ASIP: variants seen among roughly 807,000 people sequenced by gnomAD.
ASIP encodes agouti signaling protein, also known as agouti-signaling protein.
ASIP carries 11 observed loss-of-function variants against 10.3 expected under a neutral mutation model. That is an observed-to-expected ratio of 1.07 (90% CI 0.68 to 1.78). The LOEUF is 1.78. Ranked by LOEUF, ASIP falls within the 40% of genes most tolerant of loss-of-function variation. The pLI, the probability that ASIP is intolerant of heterozygous loss-of-function variation, is 0.00. For synonymous variants in ASIP, 70 were observed against 70.8 expected (o/e 0.99, Z 0.06); for missense variants, 180 against 169.2 (o/e 1.06, Z -0.35).
Position 34,269,088 on chromosome 20 carries a change from G to C in ASIP, c.320G>C (p.Cys107Ser). 6.3e-7 allele frequency: 1 copy of C among 1,577,918 alleles called. No individual in the cohort carries two copies. The highest frequency in any genetic ancestry group is 1.7e-4 in the Middle Eastern group (1 of 6,012). ...RNSCKPPAPACCDPCASCQCR... is the reference protein window; with the variant it reads ...RNSCKPPAPASCDPCASCQCR... ...AGCTGCAAGCCGCCGGCACCCGCCT[G>C]CTGCGACCCGTGCGCCTCCTGCCAG... is the stretch of plus-strand genomic sequence containing the variant. The change falls in exon 4 of 4, where the codon TGC becomes TCC. Residue 107 changes from cysteine (C) to serine (S), a missense_variant. Physicochemically the swap from Cys to Ser is moderately radical, Grantham distance 112. Coordinates refer to ENST00000374954, the MANE Select transcript of ASIP (RefSeq NM_001672.3).
upstream of ASIP, among the ~76,000 whole-genome samples, chr20:34,240,396 G>A (rs1390235363): frequency 6.6e-6 from 1 of 152,196 alleles, no homozygotes; most frequent in Non-Finnish European, 1.5e-5. Context: ...GAATGACCCA[G>A]TTTGTGTGAT....
intron 1 of ASIP, among the ~76,000 whole-genome samples, chr20:34,235,866 A>AAGG (rs1349467682): frequency 0.03 from 1,109 of 36,576 alleles, 109 homozygotes; most frequent in South Asian, 0.084. Context: ...GGAAGGAAGG[A>AAGG]AAGGAAGGAA....
At chr20:34,216,033 C>T in intron 1 of ASIP, 1 of 637,510 alleles carries the variant, frequency 1.6e-6, no homozygotes, top group Non-Finnish European at 2.9e-6. Context: ...CGGAGCCGAG[C>T]GGCGCAGCTC....
intron 1 of ASIP, among the ~76,000 whole-genome samples, chr20:34,208,081 G>A (rs1329335148): frequency 6.6e-6 from 1 of 152,066 alleles, no homozygotes; most frequent in African/African-American, 2.4e-5. Context: ...CCGGCCTCCA[G>A]CACCATTTAT....
At chr20:34,267,143 TAAGA>T (rs1601620785) in intron 3 of ASIP, among the ~76,000 whole-genome samples, 1 of 152,320 alleles carries the variant, frequency 6.6e-6, no homozygotes, top group East Asian at 1.9e-4. Context: ...TAGCAGTGAA[TAAGA>T]AAGATATATC....
At chr20:34,189,241 G>A in the ASIP span, among the ~76,000 whole-genome samples, 2 of 151,958 alleles carry the variant, frequency 1.3e-5, no homozygotes, top group Admixed American at 6.6e-5. Context: ...CTCCCCCTAA[G>A]GTTTGTTTTC....
chr20:34,223,495 G>C (rs1423443396), intron 1 of ASIP, among the ~76,000 whole-genome samples: 5 of 151,898 alleles, frequency 3.3e-5, no homozygotes, highest in African/African-American at 1.2e-4. Context: ...CGGGAGGGAG[G>C]TGGGGGGTCA....
At position 34,210,822 on chromosome 20, in the gene ASIP, A is replaced by G. The variant is rs2034969765; in HGVS notation, c.-11+16062A>G. Among the ~76,000 whole-genome samples, 7 of 152,244 alleles carry G rather than the reference A, an allele frequency of 4.6e-5. No homozygotes were observed. In the South Asian group the frequency reaches 1.5e-3, roughly 32 times the overall value. On this transcript the variant is annotated intron_variant, in intron 1 of 3. Transcript: ENST00000568305. ...ATTTAGCATGCTGTTAGCTGTGGGG[A>G]CCTTATTCATTTTATGATGAACCAC...
At chr20:34,222,585 A>T (rs1321427655) in intron 1 of ASIP, among the ~76,000 whole-genome samples, 4 of 152,094 alleles carry the variant, frequency 2.6e-5, no homozygotes, top group Non-Finnish European at 4.4e-5. Flanking sequence ...GGGACCCAGG[A>T]ATCTTTAACA....
chr20:34,266,622 G>A (rs902239926), intron 3 of ASIP, among the ~76,000 whole-genome samples: 3 of 151,934 alleles, frequency 2.0e-5, no homozygotes, highest in Non-Finnish European at 2.9e-5. Flanking sequence ...GCAGTGAGCC[G>A]AGATGGCACC....
chr20:34,234,464 T>G (rs768444649), intron 1 of ASIP, among the ~76,000 whole-genome samples: 7 of 152,110 alleles, frequency 4.6e-5, no homozygotes, highest in East Asian at 3.8e-4. Context: ...CTATCAGCTT[T>G]CTTTCTTTCT....
At chr20:34,257,558 G>A (rs2035595137) in intron 1 of ASIP, among the ~76,000 whole-genome samples, 1 of 152,044 alleles carries the variant, frequency 6.6e-6, no homozygotes, top group Non-Finnish European at 1.5e-5. Flanking sequence ...TTAATTTTAT[G>A]TAACTAAAAT....
chr20:34,249,121 C>A (rs192909041), intron 1 of ASIP, among the ~76,000 whole-genome samples: 256 of 151,702 alleles, frequency 1.7e-3, no homozygotes, highest in Non-Finnish European at 2.6e-3. Context: ...AGAGTGAGAC[C>A]CTGTCTCGAA....
At chr20:34,251,509 C>T (rs1382989892) in intron 1 of ASIP, among the ~76,000 whole-genome samples, 1 of 152,042 alleles carries the variant, frequency 6.6e-6, no homozygotes, top group South Asian at 2.1e-4. Flanking sequence ...CTCCTGACCT[C>T]GTGATCCGTC....
intron 1 of ASIP, among the ~76,000 whole-genome samples, chr20:34,198,958 T>C (rs888095424): frequency 6.6e-6 from 1 of 152,178 alleles, no homozygotes; most frequent in Non-Finnish European, 1.5e-5. Context: ...TTACCAAAGT[T>C]AGTCACTACC....
At chr20:34,213,202 G>A (rs1479347338) in intron 1 of ASIP, among the ~76,000 whole-genome samples, 1 of 152,168 alleles carries the variant, frequency 6.6e-6, no homozygotes, top group Non-Finnish European at 1.5e-5. Context: ...CTTCTGCCAT[G>A]TGATGCCTTC....
At chr20:34,201,117 T>G (rs1374075140) in intron 1 of ASIP, among the ~76,000 whole-genome samples, 1 of 151,626 alleles carries the variant, frequency 6.6e-6, no homozygotes, top group African/African-American at 2.4e-5. Context: ...TACTTCTAAG[T>G]TAGAGCCTCT....
upstream of ASIP, among the ~76,000 whole-genome samples, chr20:34,236,556 A>G (rs981548487): frequency 6.6e-6 from 1 of 151,896 alleles, no homozygotes; most frequent in Non-Finnish European, 1.5e-5. Context: ...AAAAAAAAAA[A>G]GAATCATTAT....
chr20:34,259,196 A>G (rs1389279033), intron 1 of ASIP, among the ~76,000 whole-genome samples: 5 of 135,726 alleles, frequency 3.7e-5, no homozygotes, highest in Non-Finnish European at 1.6e-5. Context: ...GGTGACAGTG[A>G]GACTCTGTCT....
Sources: gnomAD v4.1 joint callset for allele counts (sites outside exome capture counted in the v4.1 genomes callset) on GRCh38, gnomAD v4.1.1 for gene constraint, MANE v1.5 for transcripts, NCBI Gene and HGNC (gene_info 2026-07-23, HGNC 2026-07-21) for gene names.